BMP1: variants seen among roughly 807,000 people sequenced by gnomAD.
BMP1 encodes the protein bone morphogenetic protein 1, also known as mammalian tolloid protein.
BMP1 carries 63 observed loss-of-function variants against 116.8 expected under a neutral mutation model. The observed-to-expected ratio is 0.54, with a 90% confidence interval of 0.44 to 0.67. The LOEUF (loss-of-function observed/expected upper bound fraction) is 0.67, where lower values mean the gene tolerates loss of function less well. Among genes scored for constraint, BMP1 ranks in the 30% least tolerant of loss-of-function variants. The pLI is 0.00. For synonymous variants in BMP1, 536 were observed against 533.4 expected, an observed-to-expected ratio of 1.00 and a Z score of -0.07; for missense variants, 1,183 against 1,358.9, an observed-to-expected ratio of 0.87 and a Z score of 2.04.
chr8:22,182,665 G>A (rs1352362897), intron 8 of BMP1, among the ~76,000 whole-genome samples: 1 of 152,194 alleles, frequency 6.6e-6, no homozygotes, highest in Non-Finnish European at 1.5e-5. Context: ...CTGGCTCCTA[G>A]TAATCAAGTG....
chr8:22,181,567 T>C (rs1041728087), intron 8 of BMP1, among the ~76,000 whole-genome samples: 4 of 150,518 alleles, frequency 2.7e-5, no homozygotes, highest in Non-Finnish European at 4.4e-5. Flanking sequence ...TTTTTTTTTT[T>C]CTTGAGACAG....
At chr8:22,209,796 C>T (rs1829429156) in intron 19 of BMP1, 101 bp downstream of exon 19, 7 of 1,366,598 alleles carry the variant, frequency 5.1e-6, no homozygotes, top group African/African-American at 4.3e-5. Context: ...CCCACACAGG[C>T]CCCGGAAGTT....
At chr8:22,165,895 G>GTT (rs1342708559) in intron 1 of BMP1, among the ~76,000 whole-genome samples, 2 of 120,230 alleles carry the variant, frequency 1.7e-5, no homozygotes, top group Non-Finnish European at 4.1e-5. Context: ...GTGTGTGTGT[G>GTT]TGTGTGTGTG....
intron 16 of BMP1, among the ~76,000 whole-genome samples, chr8:22,202,576 G>A (rs760697583): frequency 4.6e-5 from 7 of 152,250 alleles, no homozygotes; most frequent in Non-Finnish European, 7.3e-5. Flanking sequence ...GGCCGGGCAC[G>A]GTGGCTCATG....
At chr8:22,168,671 C>T (rs1828187582) in intron 1 of BMP1, among the ~76,000 whole-genome samples, 1 of 152,164 alleles carries the variant, frequency 6.6e-6, no homozygotes, top group Non-Finnish European at 1.5e-5. Context: ...GATTAGGGTA[C>T]ACCCTCTGAG....
At chr8:22,170,925 CA>C (rs1295895350) in intron 1 of BMP1, 57 of 143,434 alleles carry the variant, frequency 4.0e-4, no homozygotes, top group Non-Finnish European at 4.1e-4. Flanking sequence ...GACTCCATTT[CA>C]AAAAAAAAAA....
rs775608544 is a variant in BMP1 at position 22,192,088 on chromosome 8, C to A, written c.1117C>A (p.Arg373Ser). 3.7e-6 allele frequency: 6 copies of A among 1,613,912 alleles called. No individual in the cohort carries two copies. In the African/African-American group the frequency reaches 8.0e-5, roughly 22 times the overall value. The change falls in exon 9 of 20, where the codon CGC becomes AGC. Residue 373 changes from arginine (R) to serine (S), a missense_variant. Arg to Ser is a moderately radical substitution (Grantham distance 110, BLOSUM62 -1). This residue lies in a region of BMP1 where 956 missense variants were observed against 1,135.2 expected (regional missense o/e 0.84). Transcript: ENST00000306385. ...NFTSLDLYRS[R>S]LCWYDYVEVR... is the part of the protein sequence containing the mutation. ...CACGTCCCTGGACCTGTACCGCAGCCGCCTGTGCTGGTACGACTATGTGGA... is the reference window on the plus strand; with the variant it reads ...CACGTCCCTGGACCTGTACCGCAGCAGCCTGTGCTGGTACGACTATGTGGA...
intron 14 of BMP1, 62 bp downstream of exon 14, chr8:22,196,902 G>A: frequency 6.5e-7 from 1 of 1,544,626 alleles, no homozygotes; most frequent in Admixed American, 1.8e-5. Context: ...ATTCAGCTCA[G>A]TGCCTGCTTC....
chr8:22,195,564 C>T lies in BMP1; in HGVS notation c.1742C>T (p.Ala581Val), dbSNP rs1829058242. 6.2e-7 allele frequency: 1 copy of T among 1,612,322 alleles called. No homozygotes were observed. The highest frequency in any genetic ancestry group is 8.5e-7 in the Non-Finnish European group (1 of 1,179,696). The stretch of plus-strand genomic sequence containing the variant: ...AGCTGTGACCCCGGGTACGAGCTGG[C>T]CCCAGACAAGCGCCGCTGTGAGGGT... ...KCSCDPGYELAPDKRRCEAAC... is the reference protein window; with the variant it reads ...KCSCDPGYELVPDKRRCEAAC... The change falls in exon 13 of 20, where the codon GCC (alanine) becomes GTC (valine). Residue 581 changes from alanine (A) to valine (V), a missense_variant. By Grantham distance (64) the Ala-to-Val change is moderately conservative. This residue lies in a region of BMP1 where 956 missense variants were observed against 1,135.2 expected (regional missense o/e 0.84). Coordinates refer to ENST00000306385, the MANE Select transcript of BMP1 (RefSeq NM_006129.5).
At chr8:22,192,256 G>A in intron 9 of BMP1, 105 bp downstream of exon 9, 1 of 984,118 alleles carries the variant, frequency 1.0e-6, no homozygotes, top group South Asian at 1.4e-5. Context: ...GGCCAGGGAT[G>A]ACAACCTGGT....
In BMP1 at chr8:22,211,836, A is replaced by C. The variant is rs556361110; in HGVS notation, c.*108A>C. 26,981 of 1,535,984 alleles carry C rather than the reference A, an allele frequency of 0.018. 311 individuals carry two copies. The highest frequency in any genetic ancestry group is 0.025 in the South Asian group (2,151 of 86,290). Reference sequence around the variant, plus strand: ...GCACCATCCCTCTCCCCCAGGCCCCAGGACCTGCAGGGCCAATGGCCTGGT... The same window carrying C: ...GCACCATCCCTCTCCCCCAGGCCCCCGGACCTGCAGGGCCAATGGCCTGGT... On this transcript the variant is annotated 3_prime_UTR_variant, in exon 20 of 20. Transcript: ENST00000306385.
chr8:22,210,962 G>A (rs566205095), intron 19 of BMP1, among the ~76,000 whole-genome samples: 2 of 152,366 alleles, frequency 1.3e-5, no homozygotes, highest in South Asian at 2.1e-4. Context: ...GTTGACGTCC[G>A]ATGCTCTGAG....
At chr8:22,188,177 G>GT (rs759296888) in intron 8 of BMP1, among the ~76,000 whole-genome samples, 11,919 of 124,600 alleles carry the variant, frequency 0.096, 1,507 homozygotes, top group African/African-American at 0.27. Flanking sequence ...CCAGTTTTGG[G>GT]TTTTTTTTTT....
intron 15 of BMP1, chr8:22,199,076 T>G: frequency 1.5e-6 from 2 of 1,366,438 alleles, no homozygotes; most frequent in South Asian, 1.1e-5. Flanking sequence ...GAGTTACTGC[T>G]CTGCCCCCAT....
intron 18 of BMP1, among the ~76,000 whole-genome samples, chr8:22,208,175 T>C (rs1241118223): frequency 2.0e-5 from 3 of 152,204 alleles, no homozygotes; most frequent in Non-Finnish European, 2.9e-5. Context: ...TGAGCCACCG[T>C]GCCCAGCCCA....
chr8:22,194,456 G>A lies in BMP1; in HGVS notation c.1309G>A (p.Gly437Ser). The change falls in exon 11 of 20, where the codon GGT becomes AGT. Residue 437 changes from glycine (G) to serine (S), a missense_variant. Transcript: ENST00000306385. The surrounding 1 kb of genome is among the most constrained non-coding windows in gnomAD (Gnocchi z 4.5). ...CTGTGTCCCCACAGCCATCTGCGGG[G>A]GTGATGTGAAAAAGGACTATGGCCA... is the stretch of plus-strand genomic sequence containing the variant. ...FFAVYEAICG[G>S]DVKKDYGHIQ... 1 of 1,614,058 alleles carries A rather than the reference G, an allele frequency of 6.2e-7. No individual in the cohort carries two copies. Among genetic ancestry groups the A allele is most frequent in the Non-Finnish European group, 8.5e-7 (1 of 1,179,992 alleles).
In BMP1 at chr8:22,179,857, G is replaced by A; in HGVS notation, c.961+28G>A. The A allele has an allele frequency of 6.9e-6, 11 of 1,601,754 alleles. No individual in the cohort carries two copies. The highest frequency in any genetic ancestry group is 9.4e-6 in the Non-Finnish European group (11 of 1,172,068). ...CAGGGCAGAGAAGGGATGGGTGAGGGCGTGGAGGGCAGGGCCTGAGGGAGG... is the reference window on the plus strand; with the variant it reads ...CAGGGCAGAGAAGGGATGGGTGAGGACGTGGAGGGCAGGGCCTGAGGGAGG... On this transcript the variant is annotated intron_variant, in intron 7 of 19. Transcript: ENST00000306385. The surrounding 1 kb of genome is among the most constrained non-coding windows in gnomAD (Gnocchi z 4.6).
At chr8:22,167,102 T>C (rs1170595277) in intron 1 of BMP1, among the ~76,000 whole-genome samples, 1 of 152,170 alleles carries the variant, frequency 6.6e-6, no homozygotes, top group Non-Finnish European at 1.5e-5. Context: ...GCTAAATAAA[T>C]GTGGGCTCCC....
chr8:22,177,006 C>G lies in BMP1; in HGVS notation c.597C>G (p.Ile199Met), dbSNP rs766719306. The G allele has an allele frequency of 6.2e-7, 1 of 1,612,800 alleles. No homozygotes were observed. The highest frequency in any genetic ancestry group is 1.7e-4 in the Middle Eastern group (1 of 6,056). ...VGRRGGGPQA[I>M]SIGKNCDKFG... ...GCCGCGGCGGGGGCCCCCAGGCCAT[C>G]TCCATCGGCAAGAACTGTGACAAGT... is the stretch of plus-strand genomic sequence containing the variant. Residue 199 changes from isoleucine to methionine, a missense_variant, in exon 5 of 20, where the codon ATC (isoleucine) becomes ATG (methionine). Physicochemically the swap from Ile to Met is conservative, Grantham distance 10. Coordinates refer to ENST00000306385, the MANE Select transcript of BMP1 (RefSeq NM_006129.5).
Sources: gnomAD v4.1 joint callset for allele counts (sites outside exome capture counted in the v4.1 genomes callset) on GRCh38, gnomAD v4.1.1 for gene constraint, gnomAD v4.1.1 regional missense constraint, Gnocchi (gnomAD v3.1) non-coding constraint, MANE v1.5 for transcripts, NCBI Gene and HGNC (gene_info 2026-07-23, HGNC 2026-07-21) for gene names.